ZNF254: variants seen among roughly 807,000 people sequenced by gnomAD.
ZNF254 encodes the protein zinc finger protein 254.
A neutral mutation model predicts 12.4 loss-of-function variants in ZNF254; 10 were observed. The ratio of observed to expected loss-of-function variants is 0.80; its 90% CI spans 0.50 to 1.36. The LOEUF is 1.36. ZNF254 is among the 40% of genes most tolerant of loss of function. The pLI, the probability that ZNF254 is intolerant of heterozygous loss-of-function variation, is 0.00. For missense variants in ZNF254, 996 were observed against 763.9 expected, an observed-to-expected ratio of 1.30 and a Z score of -3.58; for synonymous variants, 305 against 253.4, an observed-to-expected ratio of 1.20 and a Z score of -1.93.
chr19:24,102,036 A>G (rs1973062683), intron 1 of ZNF254, among the ~76,000 whole-genome samples: 1 of 152,222 alleles, frequency 6.6e-6, no homozygotes, highest in Non-Finnish European at 1.5e-5. Flanking sequence ...AGAAAAATAG[A>G]TGACGCAGTC....
chr19:24,085,669 G>A (rs1358233452), upstream of ZNF254, among the ~76,000 whole-genome samples: 1 of 151,694 alleles, frequency 6.6e-6, no homozygotes, highest in African/African-American at 2.4e-5. Context: ...CTACTCCAGA[G>A]GCTGAGGCTG....
At chr19:24,056,423 G>A (rs1414029740) in intron 2 of ZNF254, among the ~76,000 whole-genome samples, 1 of 152,140 alleles carries the variant, frequency 6.6e-6, no homozygotes, top group African/African-American at 2.4e-5. Context: ...ACCAACAAGT[G>A]TGGTTCTTCT....
chr19:24,092,716 G>A (rs1568451177), intron 1 of ZNF254, among the ~76,000 whole-genome samples: 1 of 152,214 alleles, frequency 6.6e-6, no homozygotes, highest in Non-Finnish European at 1.5e-5. Context: ...ACCATTGATA[G>A]GCATTCAAGT....
intron 2 of ZNF254, among the ~76,000 whole-genome samples, chr19:24,053,853 A>G (rs1970739465): frequency 6.6e-6 from 1 of 152,206 alleles, no homozygotes; most frequent in Admixed American, 6.5e-5. Context: ...CACTGGACCC[A>G]GCATCTAGGT....
At chr19:24,088,390 A>G (rs766258220) in intron 1 of ZNF254, among the ~76,000 whole-genome samples, 1 of 151,992 alleles carries the variant, frequency 6.6e-6, no homozygotes, top group Non-Finnish European at 1.5e-5. Flanking sequence ...AGCCACCTCA[A>G]TCTAATTGCC....
At position 24,049,214 on chromosome 19, in the gene ZNF254, A is replaced by ATTTT. The variant is rs66491625; in HGVS notation, c.-94+2948_-94+2951dup. Among the ~76,000 whole-genome samples the ATTTT allele has an allele frequency of 1.8e-3, 74 of 40,846 alleles. 1 individual carries two copies. Among genetic ancestry groups the ATTTT allele is most frequent in the African/African-American group, 6.4e-3 (47 of 7,292 alleles). 26.8% of individuals were successfully genotyped at this position (40,846 alleles called of 152,430 possible). A position where few individuals can be genotyped will look rare whatever the true frequency, so the allele number is the denominator to read the frequency against. On this transcript the variant is annotated intron_variant, in intron 2 of 4. Transcript: ENST00000613065. ...TATATATATATATATATATATATATATTTTTTTTTTTTTTTTAATTTATTT... is the reference window on the plus strand; with the variant it reads ...TATATATATATATATATATATATATATTTTTTTTTTTTTTTTTTTTAATTTATTT...
chr19:24,087,183 C>T (rs1438332369), upstream of ZNF254: 8 of 1,257,708 alleles, frequency 6.4e-6, no homozygotes, highest in African/African-American at 6.0e-5. Flanking sequence ...CGGGATATGG[C>T]GGGGCCTTTG....
At chr19:24,044,519 CAG>C (rs1243511992) in intron 1 of ZNF254, among the ~76,000 whole-genome samples, 3 of 147,180 alleles carry the variant, frequency 2.0e-5, no homozygotes, top group Admixed American at 6.8e-5. Context: ...GCCTGGGTGA[CAG>C]AGCGAGACTC....
At chr19:24,114,196 C>T (rs1278134071) in intron 3 of ZNF254, among the ~76,000 whole-genome samples, 6 of 152,138 alleles carry the variant, frequency 3.9e-5, no homozygotes, top group Non-Finnish European at 8.8e-5. Context: ...TCACATGGAA[C>T]CAAAAAAGAG....
At chr19:24,064,534 G>A (rs1971198079) in intron 2 of ZNF254, 3 of 152,102 alleles carry the variant, frequency 2.0e-5, no homozygotes. Context: ...TGTGTTTTTT[G>A]TTTGTTTTTG....
intron 3 of ZNF254, among the ~76,000 whole-genome samples, chr19:24,119,069 G>T (rs1974302460): frequency 6.6e-6 from 1 of 151,958 alleles, no homozygotes; most frequent in African/African-American, 2.4e-5. Context: ...TGGAGAGCAT[G>T]CCACCACATT....
At chr19:24,059,278 T>C (rs901192586) in intron 2 of ZNF254, among the ~76,000 whole-genome samples, 5 of 152,200 alleles carry the variant, frequency 3.3e-5, no homozygotes, top group African/African-American at 1.2e-4. Flanking sequence ...TGTCACATGT[T>C]CCTGGGCCCA....
chr19:24,041,210 G>A (rs1323459338), intron 1 of ZNF254, among the ~76,000 whole-genome samples: 1 of 152,242 alleles, frequency 6.6e-6, no homozygotes, highest in Non-Finnish European at 1.5e-5. Flanking sequence ...CTCCCACTTT[G>A]TGGCATTTGA....
intron 1 of ZNF254, among the ~76,000 whole-genome samples, chr19:24,096,083 G>T (rs1473488842): frequency 1.4e-5 from 2 of 142,998 alleles, no homozygotes. Flanking sequence ...TTTTTAAGAT[G>T]GAGTTTTACT....
intron 2 of ZNF254, among the ~76,000 whole-genome samples, chr19:24,058,559 C>T (rs932950823): frequency 4.6e-5 from 7 of 152,054 alleles, no homozygotes; most frequent in African/African-American, 1.4e-4. Context: ...AGGCATGCGC[C>T]ACCACGCCTG....
intron 2 of ZNF254, among the ~76,000 whole-genome samples, chr19:24,070,963 C>T (rs1191168542): frequency 6.6e-6 from 1 of 152,176 alleles, no homozygotes; most frequent in Non-Finnish European, 1.5e-5. Context: ...CTACCTATAT[C>T]CTGACTACAG....
At chr19:24,048,684 G>C (rs1197252628) in intron 2 of ZNF254, among the ~76,000 whole-genome samples, 1 of 149,246 alleles carries the variant, frequency 6.7e-6, no homozygotes, top group Non-Finnish European at 1.5e-5. Flanking sequence ...AGTTTTGTTG[G>C]TTTTTGTTTT....
At chr19:24,126,169 T>C (rs1298329655) in intron 3 of ZNF254, 85 bp from the exon 4 acceptor site, 7 of 935,710 alleles carry the variant, frequency 7.5e-6, no homozygotes, top group South Asian at 3.5e-5. Context: ...ATGTAGTTTG[T>C]ATAATTTTAT....
At chr19:24,098,536 T>G (rs1972805202) in intron 1 of ZNF254, 1 of 152,248 alleles carries the variant, frequency 6.6e-6, no homozygotes, top group African/African-American at 2.4e-5. Context: ...AATGATAATA[T>G]GCCCCCTTTC....
Sources: gnomAD v4.1 joint callset for allele counts (sites outside exome capture counted in the v4.1 genomes callset) on GRCh38, gnomAD v4.1.1 for gene constraint, MANE v1.5 for transcripts, NCBI Gene and HGNC (gene_info 2026-07-23, HGNC 2026-07-21) for gene names.